Variants in AMBRA1 observed in about 807,000 individuals in gnomAD.
AMBRA1 encodes the protein activating molecule in BECN1-regulated autophagy protein 1.
Under a neutral mutation model 125.4 loss-of-function variants are expected in AMBRA1, and 47 were observed. The observed-to-expected ratio is 0.37, with a 90% CI of 0.30 to 0.48. The LOEUF (loss-of-function observed/expected upper bound fraction) is 0.48. Among genes scored for constraint, AMBRA1 ranks in the 20% least tolerant of loss-of-function variants. AMBRA1 has a pLI of 0.99. For missense variants in AMBRA1, 1,331 were observed against 1,693.4 expected (o/e 0.79, Z 3.76); for synonymous variants, 626 against 655.5 (o/e 0.95, Z 0.69).
intron 6 of AMBRA1, among the ~76,000 whole-genome samples, 162 bp from the exon 7 acceptor site, chr11:46,543,560 A>G (rs894418574): frequency 7.9e-5 from 12 of 152,206 alleles, no homozygotes; most frequent in African/African-American, 2.7e-4. Context: ...CTGGCCTCAG[A>G]TTCAAAATAA....
intron 1 of AMBRA1, among the ~76,000 whole-genome samples, chr11:46,576,832 T>C (rs1364988263): frequency 6.6e-6 from 1 of 152,034 alleles, no homozygotes; most frequent in Non-Finnish European, 1.5e-5. Context: ...TGATTAAGAG[T>C]CTTAAATTCC....
At chr11:46,418,374 A>G (rs1946672160) in intron 14 of AMBRA1, among the ~76,000 whole-genome samples, 1 of 142,968 alleles carries the variant, frequency 7.0e-6, no homozygotes, top group Non-Finnish European at 1.5e-5. Flanking sequence ...TTATTTATAT[A>G]TAAATATATA....
intron 7 of AMBRA1, among the ~76,000 whole-genome samples, chr11:46,522,470 A>G (rs1951804886): frequency 6.6e-6 from 1 of 152,112 alleles, no homozygotes; most frequent in Admixed American, 6.5e-5. Context: ...TTAACCCAGA[A>G]TTTACCATCA....
At chr11:46,401,266 A>T (rs1159367943) in intron 17 of AMBRA1, among the ~76,000 whole-genome samples, 1 of 138,046 alleles carries the variant, frequency 7.2e-6, no homozygotes, top group African/African-American at 2.6e-5. Flanking sequence ...TTCGAGACAG[A>T]GTCTCGCTCT....
chr11:46,408,054 T>A (rs1356842981), intron 17 of AMBRA1, among the ~76,000 whole-genome samples: 1 of 152,184 alleles, frequency 6.6e-6, no homozygotes, highest in Non-Finnish European at 1.5e-5. Flanking sequence ...TAGGCCAGGC[T>A]GCAGCCAAAA....
chr11:46,451,051 C>G (rs1386433232), intron 11 of AMBRA1, among the ~76,000 whole-genome samples: 1 of 152,174 alleles, frequency 6.6e-6, no homozygotes, highest in Non-Finnish European at 1.5e-5. Flanking sequence ...CATTCACATT[C>G]TAGGAGACAG....
intron 9 of AMBRA1, chr11:46,495,615 G>A (rs1020256275): frequency 6.6e-6 from 1 of 152,194 alleles, no homozygotes; most frequent in Non-Finnish European, 1.5e-5. Context: ...TGTAAAAGGG[G>A]GGTTAAAGAG....
At position 46,558,344 on chromosome 11, in the gene AMBRA1, T is replaced by G. The variant is rs144986385; in HGVS notation, c.-120-9844A>C. 2.0e-5 allele frequency among the ~76,000 whole-genome samples: 3 copies of G among 151,588 alleles called. No homozygotes were observed. In the East Asian group the frequency reaches 5.8e-4, roughly 29 times the overall value. The stretch of plus-strand genomic sequence containing the variant: ...GGCAGGCAGATCACGAGGTCAGGAG[T>G]GCGAGACCAGCCTGATCAAAACAGT... On this transcript the variant is annotated intron_variant, in intron 1 of 17. Coordinates refer to ENST00000683756, the MANE Select transcript of AMBRA1 (RefSeq NM_001387011.1).
chr11:46,434,789 A>T, intron 13 of AMBRA1, 60 bp downstream of exon 13: 1 of 1,507,026 alleles, frequency 6.6e-7, no homozygotes, highest in South Asian at 1.3e-5. Context: ...CTCACCTAGC[A>T]ATGACCATGC....
intron 11 of AMBRA1, among the ~76,000 whole-genome samples, chr11:46,470,610 A>AAT (rs1949548030): frequency 6.6e-6 from 1 of 151,070 alleles, no homozygotes; most frequent in African/African-American, 2.4e-5. Flanking sequence ...AAAAAAAAAA[A>AAT]AATTAGCCAG....
intron 16 of AMBRA1, among the ~76,000 whole-genome samples, chr11:46,409,720 T>C (rs1946195780): frequency 6.6e-6 from 1 of 152,246 alleles, no homozygotes; most frequent in South Asian, 2.1e-4. Context: ...CTCACATTTC[T>C]AGCTGCTTCT....
intron 14 of AMBRA1, among the ~76,000 whole-genome samples, chr11:46,422,576 G>C (rs918954825): frequency 6.6e-6 from 1 of 152,096 alleles, no homozygotes; most frequent in Non-Finnish European, 1.5e-5. Context: ...GACAGGAAAA[G>C]AATGAGAGGG....
At chr11:46,473,535 A>AGAGT (rs1241959681) in intron 11 of AMBRA1, among the ~76,000 whole-genome samples, 3 of 152,276 alleles carry the variant, frequency 2.0e-5, no homozygotes, top group Non-Finnish European at 2.9e-5. Context: ...AAACTGTCAC[A>AGAGT]GAGTGATATA....
intron 1 of AMBRA1, among the ~76,000 whole-genome samples, chr11:46,561,445 C>T (rs1176053861): frequency 1.3e-5 from 2 of 151,060 alleles, no homozygotes; most frequent in East Asian, 3.9e-4. Context: ...ACCCAGGAAT[C>T]TTCACAAGTC....
At chr11:46,531,641 T>TG (rs1952221512) in intron 7 of AMBRA1, among the ~76,000 whole-genome samples, 1 of 151,002 alleles carries the variant, frequency 6.6e-6, no homozygotes, top group Non-Finnish European at 1.5e-5. Context: ...ATTCGGGAGT[T>TG]GGAGGTTGGA....
At chr11:46,431,137 G>T (rs902239885) in intron 14 of AMBRA1, among the ~76,000 whole-genome samples, 7 of 152,172 alleles carry the variant, frequency 4.6e-5, no homozygotes, top group African/African-American at 1.4e-4. Context: ...AGTCAGACTG[G>T]GTGGACACTT....
At chr11:46,470,713 T>C (rs756458810) in intron 11 of AMBRA1, among the ~76,000 whole-genome samples, 7 of 151,762 alleles carry the variant, frequency 4.6e-5, no homozygotes, top group Non-Finnish European at 8.8e-5. Flanking sequence ...CAGTGAGCCA[T>C]GTCTGCACCA....
At chr11:46,445,081 A>C (rs1009180965) in intron 11 of AMBRA1, among the ~76,000 whole-genome samples, 3 of 151,894 alleles carry the variant, frequency 2.0e-5, no homozygotes, top group African/African-American at 4.8e-5. Flanking sequence ...CAAAAAAAAA[A>C]AAACAAAAAA....
At chr11:46,412,224 A>G (rs552437145) in intron 15 of AMBRA1, among the ~76,000 whole-genome samples, 1 of 152,278 alleles carries the variant, frequency 6.6e-6, no homozygotes, top group South Asian at 2.1e-4. Flanking sequence ...CAAACTATCC[A>G]TATCCTTTTG....
Sources: gnomAD v4.1 joint callset for allele counts (sites outside exome capture counted in the v4.1 genomes callset) on GRCh38, gnomAD v4.1.1 for gene constraint, MANE v1.5 for transcripts, NCBI Gene and HGNC (gene_info 2026-07-23, HGNC 2026-07-21) for gene names.